Variants in ABCG8 observed in about 807,000 individuals in gnomAD.
The protein encoded by ABCG8 is ATP-binding cassette sub-family G member 8.
Under a neutral mutation model 71.3 loss-of-function variants are expected in ABCG8, and 81 were observed. That is an observed-to-expected ratio of 1.14 (90% CI 0.95 to 1.37). The LOEUF (loss-of-function observed/expected upper bound fraction) is 1.37, where lower values mean the gene tolerates loss of function less well. ABCG8 is among the 40% of genes most tolerant of loss of function. The pLI, the probability that ABCG8 is intolerant of heterozygous loss-of-function variation, is 0.00. For missense variants in ABCG8, 1,119 were observed against 866.2 expected, an observed-to-expected ratio of 1.29 and a Z score of -3.66; for synonymous variants, 451 against 354.7, an observed-to-expected ratio of 1.27 and a Z score of -3.05.
intron 6 of ABCG8, among the ~76,000 whole-genome samples, chr2:43,854,438 G>A (rs1461096906): frequency 1.3e-5 from 2 of 152,088 alleles, no homozygotes; most frequent in Non-Finnish European, 1.5e-5. Flanking sequence ...GACCAGCCTG[G>A]CCAACATGGT....
intron 8 of ABCG8, among the ~76,000 whole-genome samples, chr2:43,873,028 C>T (rs1235733734): frequency 3.9e-5 from 6 of 151,984 alleles, no homozygotes; most frequent in Admixed American, 6.6e-5. Flanking sequence ...GGTTTCTTTT[C>T]ACTTAGGGCA....
chr2:43,876,552 AGGGAGACCATGGGAATATG>A (rs1669964024), intron 11 of ABCG8, among the ~76,000 whole-genome samples: 1 of 150,478 alleles, frequency 6.6e-6, no homozygotes, highest in Non-Finnish European at 1.5e-5. Context: ...GCAAGAATAT[AGGGAGACCATGGGAATATG>A]GGGAGACTAT....
chr2:43,873,827 C>A lies in ABCG8; in HGVS notation c.1252C>A (p.Leu418Ile). ...CGACTTCCGAGACCTGCCCACCCTC[C>A]TCATCCATGGGGCGGAGGCCTGTCT... ...SNDFRDLPTL[L>I]IHGAEACLMS... is the part of the protein sequence containing the mutation. The change falls in exon 9 of 13, where the codon CTC (leucine) becomes ATC (isoleucine). Residue 418 changes from leucine to isoleucine, a missense_variant. By Grantham distance (5) the Leu-to-Ile change is conservative. Transcript: ENST00000272286. The A allele has an allele frequency of 6.2e-7, 1 of 1,614,186 alleles. No individual in the cohort carries two copies. The highest frequency in any genetic ancestry group is 8.5e-7 in the Non-Finnish European group (1 of 1,180,032).
rs574859856 is a variant in ABCG8, at chr2:43,872,406, G to A, written c.1211+100G>A. ...TTAAAGTGAATTTAAAGGAGAAAGT[G>A]AGAGGTAGAGTCATTTGAAAAAAAC... On this transcript the variant is annotated intron_variant, in intron 8 of 12. Transcript: ENST00000272286. 9 of 1,345,798 alleles carry A rather than the reference G, an allele frequency of 6.7e-6. No homozygotes were observed. The Admixed American group carries it at 1.6e-4, about 24-fold the overall frequency. The allele number at this position is 1,345,798 out of a possible 1,614,324, so 83.4% of individuals were successfully genotyped here.
intron 6 of ABCG8, among the ~76,000 whole-genome samples, chr2:43,868,929 A>G (rs908899599): frequency 1.3e-5 from 2 of 150,928 alleles, no homozygotes; most frequent in African/African-American, 4.9e-5. Flanking sequence ...CTGTGGATAG[A>G]ACTGTCACTA....
chr2:43,876,642 G>A (rs1252595107), intron 11 of ABCG8, among the ~76,000 whole-genome samples: 2 of 151,374 alleles, frequency 1.3e-5, no homozygotes, highest in Non-Finnish European at 2.9e-5. Context: ...GAGACCGTGA[G>A]AATATGGGGA....
At position 43,851,583 on chromosome 2, in the gene ABCG8, G is replaced by C; in HGVS notation, c.323-1G>C. 4 of 1,614,234 alleles carry C rather than the reference G, an allele frequency of 2.5e-6. No homozygotes were observed. Among genetic ancestry groups the C allele is most frequent in the East Asian group, 2.2e-5 (1 of 44,896 alleles). On this transcript the variant is annotated splice_acceptor_variant, in intron 3 of 12. Transcript: ENST00000272286. LOFTEE classifies it high-confidence loss of function. Reference sequence around the variant, plus strand: ...CAGGGATATCCCTGGTGGCTTTGCAGGTTGTGGGAGAGCCTCCTTGCTAGA... The same window carrying C: ...CAGGGATATCCCTGGTGGCTTTGCACGTTGTGGGAGAGCCTCCTTGCTAGA...
chr2:43,875,324 T>C lies in ABCG8; in HGVS notation c.1667T>C (p.Phe556Ser), dbSNP rs548098742. The C allele has an allele frequency of 4.1e-4, 655 of 1,614,176 alleles. 4 individuals carry two copies. In the South Asian group the frequency reaches 6.7e-3, roughly 17 times the overall value. ...GCCGCCGCGGCCCTGCTCCCCACCT[T>C]CCACATGGCCTCCTTCTTCAGCAAT... ...ALAAAALLPT[F>S]HMASFFSNAL... Residue 556 changes from phenylalanine to serine, a missense_variant, in exon 11 of 13, where the codon TTC becomes TCC. Coordinates refer to ENST00000272286, the MANE Select transcript of ABCG8 (RefSeq NM_022437.3).
intron 6 of ABCG8, among the ~76,000 whole-genome samples, chr2:43,860,690 T>G (rs1457104514): frequency 6.7e-6 from 1 of 150,210 alleles, no homozygotes; most frequent in Non-Finnish European, 1.5e-5. Flanking sequence ...ACTCTGACAA[T>G]CTCTCTGGAT....
intron 6 of ABCG8, among the ~76,000 whole-genome samples, chr2:43,854,626 C>CAAAAAA (rs759609173): frequency 0.045 from 3,353 of 74,590 alleles, 99 homozygotes; most frequent in Middle Eastern, 0.066. Flanking sequence ...GACTCCATCT[C>CAAAAAA]AAAAAAAAAA....
At chr2:43,841,823 C>T (rs1338844060) in intron 1 of ABCG8, among the ~76,000 whole-genome samples, 1 of 152,226 alleles carries the variant, frequency 6.6e-6, no homozygotes, top group Non-Finnish European at 1.5e-5. Flanking sequence ...TTGCTCCAGA[C>T]TCCAAATGTC....
chr2:43,868,278 ACTGT>A (rs781182978), intron 6 of ABCG8, among the ~76,000 whole-genome samples: 1 of 151,062 alleles, frequency 6.6e-6, no homozygotes, highest in East Asian at 2.0e-4. Flanking sequence ...TAAAACTCTC[ACTGT>A]CTGTCTGGAT....
intron 1 of ABCG8, among the ~76,000 whole-genome samples, chr2:43,842,997 G>C (rs992276572): frequency 2.6e-5 from 4 of 152,158 alleles, no homozygotes; most frequent in Admixed American, 2.6e-4. Context: ...GGGGTACTTT[G>C]ACAAGAAGAC....
chr2:43,859,474 T>C (rs1210300990), intron 6 of ABCG8, among the ~76,000 whole-genome samples: 1 of 151,498 alleles, frequency 6.6e-6, no homozygotes, highest in African/African-American at 2.4e-5. Context: ...TGGATAGAAT[T>C]CTCACTCTGC....
intron 11 of ABCG8, among the ~76,000 whole-genome samples, chr2:43,876,545 A>AGAATATAGGGAGACCATGG (rs1259013488): frequency 2.7e-5 from 4 of 149,962 alleles, no homozygotes; most frequent in Non-Finnish European, 5.9e-5. Context: ...GAAGACTGCA[A>AGAATATAGGGAGACCATGG]GAATATAGGG....
At chr2:43,842,908 A>G (rs1333908900) in intron 1 of ABCG8, among the ~76,000 whole-genome samples, 1 of 152,132 alleles carries the variant, frequency 6.6e-6, no homozygotes, top group Non-Finnish European at 1.5e-5. Context: ...CCTGCGGCAT[A>G]CTGTCACCGA....
chr2:43,849,213 G>A (rs2104916072), intron 3 of ABCG8, among the ~76,000 whole-genome samples: 1 of 152,134 alleles, frequency 6.6e-6, no homozygotes, highest in East Asian at 1.9e-4. Context: ...AGGTGTATTA[G>A]TCCGTTTTCA....
chr2:43,878,454 T>C lies in ABCG8; in HGVS notation c.*541T>C, dbSNP rs1670033039. 1 of 210,906 alleles carries C rather than the reference T, an allele frequency of 4.7e-6. No individual in the cohort carries two copies. The allele number at this position is 210,906 out of a possible 1,614,324, so 13.1% of individuals were successfully genotyped here. The stretch of plus-strand genomic sequence containing the variant: ...AAGCCAACGTGAACAATTAAAAATG[T>C]ATTGAGCATCTACTCTGTAGCAGGT... On this transcript the variant is annotated 3_prime_UTR_variant, in exon 13 of 13. Transcript: ENST00000272286.
intron 6 of ABCG8, among the ~76,000 whole-genome samples, chr2:43,856,376 C>T (rs1221994173): frequency 2.6e-5 from 4 of 151,594 alleles, no homozygotes; most frequent in Non-Finnish European, 5.9e-5. Context: ...ATAGAACTCT[C>T]ACTCCCTGTC....
Sources: gnomAD v4.1 joint callset for allele counts (sites outside exome capture counted in the v4.1 genomes callset) on GRCh38, gnomAD v4.1.1 for gene constraint, MANE v1.5 for transcripts, NCBI Gene and HGNC (gene_info 2026-07-23, HGNC 2026-07-21) for gene names.